UTRN: variants seen among roughly 807,000 people sequenced by gnomAD.
The protein encoded by UTRN is dystrophin-related protein 1.
Under a neutral mutation model 463.9 loss-of-function variants are expected in UTRN, and 283 were observed. The ratio of observed to expected loss-of-function variants is 0.61; its 90% CI spans 0.55 to 0.67. UTRN has a LOEUF of 0.67. Ranked by LOEUF, UTRN falls within the 30% of genes least tolerant of loss-of-function variation. The pLI is 0.00. For missense variants in UTRN, 3,922 were observed against 4,084.3 expected (o/e 0.96, Z 1.08); for synonymous variants, 1,442 against 1,431.5 (o/e 1.01, Z -0.17).
At chr6:144,522,269 C>A (rs1433012979) in intron 40 of UTRN, 98 bp downstream of exon 40, 4 of 952,802 alleles carry the variant, frequency 4.2e-6, no homozygotes, top group Non-Finnish European at 5.8e-6. Context: ...ATATCTTTTA[C>A]AATTTGTGCC....
At chr6:144,599,877 C>A (rs1292126351) in intron 51 of UTRN, among the ~76,000 whole-genome samples, 2 of 152,164 alleles carry the variant, frequency 1.3e-5, no homozygotes, top group African/African-American at 2.4e-5. Context: ...TTTGTGGCAA[C>A]CCTCTGTGAA....
intron 51 of UTRN, among the ~76,000 whole-genome samples, chr6:144,596,856 A>G (rs1403221595): frequency 6.6e-6 from 1 of 152,172 alleles, no homozygotes; most frequent in African/African-American, 2.4e-5. Flanking sequence ...TGCATACTTT[A>G]CTGTTGAGCA....
At chr6:144,643,647 A>G (rs955992757) in intron 51 of UTRN, among the ~76,000 whole-genome samples, 3 of 152,176 alleles carry the variant, frequency 2.0e-5, no homozygotes, top group Middle Eastern at 3.4e-3. Context: ...AAATACAAAA[A>G]TTAGCCAGGC....
chr6:144,786,214 G>A (rs978591754), intron 61 of UTRN, among the ~76,000 whole-genome samples: 1 of 152,072 alleles, frequency 6.6e-6, no homozygotes, highest in African/African-American at 2.4e-5. Context: ...CTGGTCCCAC[G>A]TAACCTGTAC....
At chr6:144,529,640 G>A (rs1796866061) in intron 41 of UTRN, among the ~76,000 whole-genome samples, 1 of 151,942 alleles carries the variant, frequency 6.6e-6, no homozygotes. Context: ...ACCTCATAGT[G>A]CCTTTTTTTT....
At chr6:144,476,376 C>T (rs559520836) in intron 25 of UTRN, among the ~76,000 whole-genome samples, 17 of 151,650 alleles carry the variant, frequency 1.1e-4, no homozygotes, top group Non-Finnish European at 1.9e-4. Flanking sequence ...GGAGGCTTAA[C>T]GAAGTAGTGA....
chr6:144,696,062 G>A (rs930015609), intron 52 of UTRN, among the ~76,000 whole-genome samples: 7 of 151,870 alleles, frequency 4.6e-5, no homozygotes, highest in African/African-American at 1.5e-4. Flanking sequence ...AAAAATTCAG[G>A]GCACCTTTTT....
chr6:144,650,779 C>T (rs973419922), intron 51 of UTRN, among the ~76,000 whole-genome samples: 2 of 151,898 alleles, frequency 1.3e-5, no homozygotes, highest in African/African-American at 4.8e-5. Flanking sequence ...TGTGGTGGCA[C>T]GAGCCTGTAA....
chr6:144,758,003 A>ATAGAAGTTATCTGC lies in UTRN; in HGVS notation c.8495+14_8495+15insTAGAAGTTATCTGC. The ATAGAAGTTATCTGC allele has an allele frequency of 6.2e-7, 1 of 1,603,086 alleles. No homozygotes were observed. Among genetic ancestry groups the ATAGAAGTTATCTGC allele is most frequent in the Non-Finnish European group, 8.5e-7 (1 of 1,172,736 alleles). On this transcript the variant is annotated intron_variant, in intron 58 of 74. Coordinates refer to ENST00000367545, the MANE Select transcript of UTRN (RefSeq NM_007124.3). ...CTATTACATCAAGTAAGTTGATTTTAATTCTCCTTTATGATACCAAGAAAA... is the reference window on the plus strand; with the variant it reads ...CTATTACATCAAGTAAGTTGATTTTATAGAAGTTATCTGCATTCTCCTTTATGATACCAAGAAAA...
In UTRN at chr6:144,531,088, C is replaced by T; in HGVS notation, c.5943C>T (p.Phe1981=). Residue 1981 remains phenylalanine, a synonymous_variant, in exon 42 of 75, where the codon TTC becomes TTT. Coordinates refer to ENST00000367545, the MANE Select transcript of UTRN (RefSeq NM_007124.3). ...FDRAMEEWRQ[F]HCDLNDLTQW... ...GGGCAATGGAAGAATGGAGACAGTT[C>T]CATTGTGACCTTAATGACCTCACAC... is the stretch of plus-strand genomic sequence containing the variant. 6.2e-7 allele frequency: 1 copy of T among 1,613,940 alleles called. No individual in the cohort carries two copies. The highest frequency in any genetic ancestry group is 2.2e-5 in the East Asian group (1 of 44,858).
intron 39 of UTRN, 111 bp downstream of exon 39, chr6:144,517,059 A>C: frequency 1.0e-6 from 1 of 957,430 alleles, no homozygotes; most frequent in Non-Finnish European, 1.4e-6. Flanking sequence ...TTGGAATATC[A>C]TCTCCTCCTT....
intron 53 of UTRN, among the ~76,000 whole-genome samples, chr6:144,720,098 C>A (rs1316848934): frequency 7.2e-5 from 11 of 152,312 alleles, no homozygotes; most frequent in Admixed American, 5.9e-4. Context: ...TTCTCTTAGA[C>A]CCTGTTTTCT....
rs140486884 is a variant in UTRN, at chr6:144,700,222, G to T, written c.7788G>T (p.Gln2596His). 1.2e-6 allele frequency: 2 copies of T among 1,612,964 alleles called. No individual in the cohort carries two copies. The highest frequency in any genetic ancestry group is 2.2e-5 in the South Asian group (2 of 90,998). ...TTGGAGGAGATGTTCCAGCCTTACAGCTCCAGTATGACCATTGTAAGGTAA... is the reference window on the plus strand; with the variant it reads ...TTGGAGGAGATGTTCCAGCCTTACATCTCCAGTATGACCATTGTAAGGTAA... ...MPIGGDVPAL[Q>H]LQYDHCKALR... is the part of the protein sequence containing the mutation. Residue 2596 changes from glutamine to histidine, a missense_variant, in exon 53 of 75, where the codon CAG becomes CAT. By Grantham distance (24) the Gln-to-His change is conservative. Transcript: ENST00000367545.
At chr6:144,450,541 AATTC>A (rs2128556796) in intron 17 of UTRN, among the ~76,000 whole-genome samples, 1 of 152,314 alleles carries the variant, frequency 6.6e-6, no homozygotes, top group South Asian at 2.1e-4. Flanking sequence ...GCACCTAGCA[AATTC>A]TTTTGTTATT....
chr6:144,578,683 G>T (rs933813280), intron 51 of UTRN, among the ~76,000 whole-genome samples: 2 of 152,136 alleles, frequency 1.3e-5, no homozygotes, highest in African/African-American at 4.8e-5. Flanking sequence ...TGGTCACATG[G>T]TTCTTCAAGG....
chr6:144,325,370 C>T (rs1366518016), intron 2 of UTRN, among the ~76,000 whole-genome samples: 1 of 152,204 alleles, frequency 6.6e-6, no homozygotes, highest in East Asian at 1.9e-4. Context: ...CTCTCTCTTG[C>T]TTACTTGCTG....
At chr6:144,450,638 C>T (rs186708954) in intron 17 of UTRN, among the ~76,000 whole-genome samples, 87 of 152,254 alleles carry the variant, frequency 5.7e-4, no homozygotes, top group Middle Eastern at 3.4e-3. Flanking sequence ...TATCAAGAGC[C>T]CAGCCCAGTG....
chr6:144,827,554 A>T (rs2066054), intron 67 of UTRN, 57 bp from the exon 68 acceptor site: 25 of 1,606,244 alleles, frequency 1.6e-5, no homozygotes, highest in South Asian at 1.3e-4. Flanking sequence ...CATTTCTAAT[A>T]GTAACACCTA....
intron 51 of UTRN, among the ~76,000 whole-genome samples, chr6:144,650,844 G>A (rs1264423455): frequency 6.6e-6 from 1 of 152,080 alleles, no homozygotes; most frequent in Non-Finnish European, 1.5e-5. Context: ...AGGAGACGGA[G>A]GTTGCAGTGG....
Sources: allele counts gnomAD v4.1 joint callset (sites outside exome capture counted in the v4.1 genomes callset), GRCh38; gene constraint gnomAD v4.1.1; transcripts MANE v1.5; gene names NCBI Gene and HGNC (gene_info 2026-07-23, HGNC 2026-07-21).